The following STAT4 variants were observed in gnomAD, a reference collection of about 807,000 sequenced individuals.
The protein encoded by STAT4 is signal transducer and activator of transcription 4.
Under a neutral mutation model 110.5 loss-of-function variants are expected in STAT4, and 42 were observed. That is an observed-to-expected ratio of 0.38 (90% CI 0.30 to 0.49). STAT4 has a LOEUF of 0.49. Ranked by LOEUF, STAT4 falls within the 20% of genes least tolerant of loss-of-function variation. STAT4 has a pLI of 0.95. For missense variants in STAT4, 632 were observed against 887.9 expected (o/e 0.71, Z 3.66); for synonymous variants, 284 against 302.2 (o/e 0.94, Z 0.63).
At chr2:191,073,330 A>T in intron 4 of STAT4, 140 bp from the exon 5 acceptor site, 1 of 658,852 alleles carries the variant, frequency 1.5e-6, no homozygotes, top group Non-Finnish European at 2.6e-6. Flanking sequence ...CATGCTGTAA[A>T]AAAGTATTTA....
At chr2:191,141,990 T>C (rs909585128) in intron 3 of STAT4, among the ~76,000 whole-genome samples, 6 of 152,078 alleles carry the variant, frequency 3.9e-5, no homozygotes, top group African/African-American at 1.4e-4. Context: ...GGTAGGAATG[T>C]AAATTAATAC....
intron 3 of STAT4, among the ~76,000 whole-genome samples, chr2:191,081,821 A>G (rs1462726006): frequency 1.3e-5 from 2 of 152,148 alleles, no homozygotes; most frequent in Non-Finnish European, 2.9e-5. Context: ...TTGAAGTTCC[A>G]TTTGTATTGG....
chr2:191,145,957 T>G (rs190331221), intron 3 of STAT4, among the ~76,000 whole-genome samples: 79 of 152,290 alleles, frequency 5.2e-4, no homozygotes, highest in Non-Finnish European at 1.0e-3. Context: ...ACATTGCACA[T>G]CTACCACAAG....
Position 191,114,196 on chromosome 2 carries a change from C to T in STAT4, c.273+32417G>A, listed in dbSNP as rs146366743. Among the ~76,000 whole-genome samples, 590 of 152,242 alleles carry T rather than the reference C, an allele frequency of 3.9e-3. 6 individuals carry two copies. Among genetic ancestry groups the T allele is most frequent in the African/African-American group, 0.013 (554 of 41,546 alleles). ...TGTTATAGTATTCAATACTCAACTG[C>T]TAAAATAATTTTAAAGTTGGCCAAG... On this transcript the variant is annotated intron_variant, in intron 3 of 23. Coordinates refer to ENST00000392320, the MANE Select transcript of STAT4 (RefSeq NM_003151.4).
intron 13 of STAT4, among the ~76,000 whole-genome samples, chr2:191,056,112 T>C (rs1298693995): frequency 6.6e-6 from 1 of 152,264 alleles, no homozygotes; most frequent in Non-Finnish European, 1.5e-5. Flanking sequence ...GTAGACATTT[T>C]ATCTTTTAGA....
rs374062421 is a variant in STAT4 at position 191,031,861 on chromosome 2, A to G, written c.2045-345T>C. Among the ~76,000 whole-genome samples the G allele has an allele frequency of 1.0e-3, 156 of 152,320 alleles. No homozygotes were observed. The Middle Eastern group carries it at 0.014, about 13-fold the overall frequency. Reference sequence around the variant, plus strand: ...CTGATTGAGTCATGTTTTGGGAGATATAATAACCCAGTTCTTTTCATTAAA... The same window carrying G: ...CTGATTGAGTCATGTTTTGGGAGATGTAATAACCCAGTTCTTTTCATTAAA... On this transcript the variant is annotated intron_variant, in intron 21 of 23. Transcript: ENST00000392320. This position sits in a 1 kb window ranked among gnomAD's most constrained non-coding sequence, Gnocchi z 4.8.
chr2:191,034,639 A>T, intron 17 of STAT4, 42 bp from the exon 18 acceptor site: 2 of 1,412,390 alleles, frequency 1.4e-6, no homozygotes, highest in Non-Finnish European at 2.0e-6. Context: ...CTGGACAATG[A>T]GATGCTTCAA....
At chr2:191,054,126 C>T (rs1285005450) in intron 14 of STAT4, among the ~76,000 whole-genome samples, 4 of 51,812 alleles carry the variant, frequency 7.7e-5, no homozygotes, top group Non-Finnish European at 1.7e-4. Flanking sequence ...AGACCCTTCT[C>T]AAAAAAAAAA....
At chr2:191,109,880 A>T (rs1445271203) in intron 3 of STAT4, among the ~76,000 whole-genome samples, 1 of 152,190 alleles carries the variant, frequency 6.6e-6, no homozygotes, top group Non-Finnish European at 1.5e-5. Context: ...TGCGTTGGGC[A>T]ACTCACAACT....
chr2:191,082,432 T>C lies in STAT4; in HGVS notation c.274-6107A>G, dbSNP rs1219596676. On this transcript the variant is annotated intron_variant, in intron 3 of 23. Transcript: ENST00000392320. This position sits in a 1 kb window ranked among gnomAD's most constrained non-coding sequence, Gnocchi z 4.7. The stretch of plus-strand genomic sequence containing the variant: ...TGCACCAACAGTGCACATAATTCGA[T>C]TGAAGTGACAACAACATGATAGCTT... 6.6e-6 allele frequency among the ~76,000 whole-genome samples: 1 copy of C among 152,258 alleles called. No individual in the cohort carries two copies. The highest frequency in any genetic ancestry group is 1.5e-5 in the Non-Finnish European group (1 of 68,042).
chr2:191,095,321 C>T (rs913765275), intron 3 of STAT4, among the ~76,000 whole-genome samples: 1 of 152,176 alleles, frequency 6.6e-6, no homozygotes, highest in Non-Finnish European at 1.5e-5. Flanking sequence ...TTCTTCTCAG[C>T]ACCACATCGC....
rs1019988110 is a variant in STAT4, at chr2:191,113,799, T to A, written c.273+32814A>T. ...TTATTTTTTAAAAGTACACTTTTTGTACAGGGAGTACTCCCAAGAGTAGCA... is the reference window on the plus strand; with the variant it reads ...TTATTTTTTAAAAGTACACTTTTTGAACAGGGAGTACTCCCAAGAGTAGCA... On this transcript the variant is annotated intron_variant, in intron 3 of 23. Coordinates refer to ENST00000392320, the MANE Select transcript of STAT4 (RefSeq NM_003151.4). The surrounding 1 kb of genome is among the most constrained non-coding windows in gnomAD (Gnocchi z 4.8). 1.3e-4 allele frequency among the ~76,000 whole-genome samples: 20 copies of A among 152,218 alleles called. No homozygotes were observed. The highest frequency in any genetic ancestry group is 4.8e-4 in the African/African-American group (20 of 41,462).
chr2:191,057,193 G>C (rs2125216619), intron 13 of STAT4, among the ~76,000 whole-genome samples: 1 of 152,198 alleles, frequency 6.6e-6, no homozygotes, highest in Non-Finnish European at 1.5e-5. Flanking sequence ...CTAGCCTCTG[G>C]TAACTACCAT....
chr2:191,055,613 A>C (rs945689411), intron 13 of STAT4, among the ~76,000 whole-genome samples: 7 of 151,944 alleles, frequency 4.6e-5, no homozygotes, highest in Admixed American at 2.0e-4. Context: ...TCGGCCTCCC[A>C]AAGTGTTGGG....
intron 3 of STAT4, among the ~76,000 whole-genome samples, chr2:191,133,360 G>T: frequency 6.6e-6 from 1 of 151,186 alleles, no homozygotes. Context: ...GTCTTCTAAT[G>T]GCAAGAAAAA....
intron 5 of STAT4, among the ~76,000 whole-genome samples, chr2:191,070,126 T>C (rs1049561232): frequency 6.6e-6 from 1 of 152,178 alleles, no homozygotes; most frequent in Non-Finnish European, 1.5e-5. Context: ...TTCATATAAC[T>C]CTGTACTAAT....
chr2:191,089,427 G>A (rs1697732490), intron 3 of STAT4, among the ~76,000 whole-genome samples: 1 of 152,138 alleles, frequency 6.6e-6, no homozygotes, highest in Admixed American at 6.5e-5. Context: ...TGCGGATGTG[G>A]AGCAACAGAA....
rs1174533321 is a variant in STAT4 at position 191,043,058 on chromosome 2, C to T, written c.1252-1910G>A. The stretch of plus-strand genomic sequence containing the variant: ...CCTCCCAAAGTGCTGGGATTACAGG[C>T]GTGAGCCACTGCGCCCGGCCGTATT... On this transcript the variant is annotated intron_variant, in intron 14 of 23. Transcript: ENST00000392320. This position sits in a 1 kb window ranked among gnomAD's most constrained non-coding sequence, Gnocchi z 4.8. Among the ~76,000 whole-genome samples, 2 of 152,082 alleles carry T rather than the reference C, an allele frequency of 1.3e-5. No homozygotes were observed. The highest frequency in any genetic ancestry group is 2.9e-5 in the Non-Finnish European group (2 of 68,016).
chr2:191,066,099 C>T lies in STAT4; in HGVS notation c.630+331G>A, dbSNP rs1696977520. 6.6e-6 allele frequency among the ~76,000 whole-genome samples: 1 copy of T among 152,102 alleles called. No individual in the cohort carries two copies. Among genetic ancestry groups the T allele is most frequent in the Non-Finnish European group, 1.5e-5 (1 of 68,018 alleles). On this transcript the variant is annotated intron_variant, in intron 7 of 23. Coordinates refer to ENST00000392320, the MANE Select transcript of STAT4 (RefSeq NM_003151.4). The surrounding 1 kb of genome is among the most constrained non-coding windows in gnomAD (Gnocchi z 4.3). ...TATTAATTATATATGTGCAGTGGAA[C>T]CCATCTCAGCATATTAAGTACAGCA...
Sources: gnomAD v4.1 joint callset for allele counts (sites outside exome capture counted in the v4.1 genomes callset) on GRCh38, gnomAD v4.1.1 for gene constraint, Gnocchi (gnomAD v3.1) non-coding constraint, MANE v1.5 for transcripts, NCBI Gene and HGNC (gene_info 2026-07-23, HGNC 2026-07-21) for gene names.